Variants in PTPRE observed in about 807,000 individuals in gnomAD.
The protein encoded by PTPRE is receptor-type tyrosine-protein phosphatase epsilon.
In PTPRE, 51 loss-of-function variants were observed where a neutral mutation model predicts 102.0. That is an observed-to-expected ratio of 0.50 (90% CI 0.40 to 0.63). The LOEUF (loss-of-function observed/expected upper bound fraction) is 0.63. Among genes scored for constraint, PTPRE ranks in the 30% least tolerant of loss-of-function variants. The pLI is 0.00. For missense variants in PTPRE, 752 were observed against 915.1 expected (o/e 0.82, Z 2.30); for synonymous variants, 345 against 348.2 (o/e 0.99, Z 0.10).
intron 2 of PTPRE, among the ~76,000 whole-genome samples, chr10:128,038,607 T>C (rs551802949): frequency 1.6e-5 from 2 of 124,928 alleles, no homozygotes; most frequent in South Asian, 5.0e-4. Flanking sequence ...AATTGAACAA[T>C]GAGAACACTT....
At chr10:127,958,003 A>G (rs1849527577) in intron 1 of PTPRE, among the ~76,000 whole-genome samples, 1 of 152,218 alleles carries the variant, frequency 6.6e-6, no homozygotes, top group African/African-American at 2.4e-5. Context: ...CACTTCTGGC[A>G]TACAGAAAAG....
At chr10:128,010,253 A>T (rs1844869120) in intron 2 of PTPRE, among the ~76,000 whole-genome samples, 1 of 152,208 alleles carries the variant, frequency 6.6e-6, no homozygotes. Flanking sequence ...CCAAATGTAC[A>T]TGAGCGCCCA....
chr10:127,915,424 CT>C (rs1293798804), intron 1 of PTPRE, among the ~76,000 whole-genome samples: 1 of 152,222 alleles, frequency 6.6e-6, no homozygotes, highest in Non-Finnish European at 1.5e-5. Flanking sequence ...TTTTGAACTG[CT>C]GTTGACTAAG....
chr10:128,064,724 C>T (rs1421792051), intron 10 of PTPRE, among the ~76,000 whole-genome samples: 1 of 152,268 alleles, frequency 6.6e-6, no homozygotes, highest in Non-Finnish European at 1.5e-5. Flanking sequence ...ACTCCTGTGA[C>T]TCAGTGCTGG....
chr10:127,984,483 G>A lies in PTPRE; in HGVS notation c.-8+2187G>A, dbSNP rs191335689. Among the ~76,000 whole-genome samples, 5 of 152,278 alleles carry A rather than the reference G, an allele frequency of 3.3e-5. No homozygotes were observed. The East Asian group carries it at 9.7e-4, about 29-fold the overall frequency. Reference sequence around the variant, plus strand: ...CCAGAAATCTTTCTCTTGACACGAGGAAAGGGTATTTGAAGCCTGGGTCTC... The same window carrying A: ...CCAGAAATCTTTCTCTTGACACGAGAAAAGGGTATTTGAAGCCTGGGTCTC... On this transcript the variant is annotated intron_variant, in intron 2 of 20. Transcript: ENST00000254667.
intron 2 of PTPRE, among the ~76,000 whole-genome samples, chr10:128,019,455 G>C (rs968885935): frequency 6.6e-6 from 1 of 152,236 alleles, no homozygotes; most frequent in African/African-American, 2.4e-5. Flanking sequence ...AGAACTCTGG[G>C]AAAGGAGCAG....
chr10:127,967,252 A>G (rs1233320018), intron 1 of PTPRE, among the ~76,000 whole-genome samples: 1 of 152,216 alleles, frequency 6.6e-6, no homozygotes, highest in Non-Finnish European at 1.5e-5. Flanking sequence ...CTCTACTCCA[A>G]AATAGTAGCT....
chr10:128,018,251 C>T (rs532985651), intron 2 of PTPRE, among the ~76,000 whole-genome samples: 4 of 152,294 alleles, frequency 2.6e-5, no homozygotes, highest in African/African-American at 4.8e-5. Context: ...CTAAATCGCA[C>T]GGCACATTCC....
At chr10:127,974,219 G>A (rs1288782803) in intron 1 of PTPRE, among the ~76,000 whole-genome samples, 2 of 152,198 alleles carry the variant, frequency 1.3e-5, no homozygotes, top group African/African-American at 2.4e-5. Context: ...TTGGGTCCAG[G>A]CCTTATACTG....
chr10:128,011,065 A>G (rs1033509162), intron 2 of PTPRE, among the ~76,000 whole-genome samples: 15 of 152,206 alleles, frequency 9.9e-5, no homozygotes, highest in African/African-American at 3.6e-4. Flanking sequence ...TTTAATATTT[A>G]TGGAAGAATC....
intron 11 of PTPRE, among the ~76,000 whole-genome samples, chr10:128,066,492 C>A (rs955472684): frequency 6.6e-6 from 1 of 152,176 alleles, no homozygotes; most frequent in African/African-American, 2.4e-5. Flanking sequence ...GTGAGGTCCT[C>A]CCTCAGTAGC....
At chr10:127,992,487 A>C (rs1852776674) in intron 2 of PTPRE, among the ~76,000 whole-genome samples, 1 of 152,194 alleles carries the variant, frequency 6.6e-6, no homozygotes, top group Non-Finnish European at 1.5e-5. Flanking sequence ...ATTTGCTCTT[A>C]GCCCAGCATC....
intron 1 of PTPRE, among the ~76,000 whole-genome samples, chr10:127,971,535 G>C (rs1850735330): frequency 6.6e-6 from 1 of 152,206 alleles, no homozygotes; most frequent in Non-Finnish European, 1.5e-5. Flanking sequence ...TGGTGCCCTG[G>C]CCTTGCTGTC....
intron 6 of PTPRE, among the ~76,000 whole-genome samples, chr10:128,055,254 C>A (rs1054467662): frequency 6.6e-6 from 1 of 152,190 alleles, no homozygotes; most frequent in Admixed American, 6.5e-5. Flanking sequence ...GGGGAGCTCA[C>A]CTGAGCAGCG....
At position 128,011,028 on chromosome 10, in the gene PTPRE, T is replaced by C. The variant is rs11814975; in HGVS notation, c.-8+28732T>C. Among the ~76,000 whole-genome samples, 337 of 152,322 alleles carry C rather than the reference T, an allele frequency of 2.2e-3. 4 individuals carry two copies. The highest frequency in any genetic ancestry group is 7.8e-3 in the African/African-American group (325 of 41,568). ...CATGACACTTCATTTGTACATACTT[T>C]GAGTTATAGTCTCCAGAATAATTAA... On this transcript the variant is annotated intron_variant, in intron 2 of 20. Transcript: ENST00000254667.
At chr10:127,919,866 A>T (rs959788893) in intron 1 of PTPRE, among the ~76,000 whole-genome samples, 2 of 152,070 alleles carry the variant, frequency 1.3e-5, no homozygotes, top group African/African-American at 4.8e-5. Context: ...ATGAATGGGC[A>T]GTGCTGGGTA....
intron 1 of PTPRE, among the ~76,000 whole-genome samples, chr10:127,933,730 A>G (rs1380409945): frequency 6.6e-6 from 1 of 152,192 alleles, no homozygotes; most frequent in Non-Finnish European, 1.5e-5. Context: ...ATTTTCCTCC[A>G]TGCAGTTGTC....
chr10:127,947,849 T>C (rs895922129), intron 1 of PTPRE, among the ~76,000 whole-genome samples: 7 of 152,264 alleles, frequency 4.6e-5, no homozygotes, highest in Admixed American at 4.6e-4. Flanking sequence ...GTCTCTGGGG[T>C]ACAGGGAAGT....
rs73384093 is a variant in PTPRE at position 128,043,699 on chromosome 10, G to A, written c.109+2709G>A. Among the ~76,000 whole-genome samples, 339 of 152,328 alleles carry A rather than the reference G, an allele frequency of 2.2e-3. 3 individuals are homozygous for A. The highest frequency in any genetic ancestry group is 8.0e-3 in the African/African-American group (333 of 41,568). ...AAGATATATATGTGTGTGTGTGTGTGTTGCAGAATTGTAGGTAATAGCAGA... is the reference window on the plus strand; with the variant it reads ...AAGATATATATGTGTGTGTGTGTGTATTGCAGAATTGTAGGTAATAGCAGA... On this transcript the variant is annotated intron_variant, in intron 3 of 20. Transcript: ENST00000254667.
Sources: gnomAD v4.1 joint callset for allele counts (sites outside exome capture counted in the v4.1 genomes callset) on GRCh38, gnomAD v4.1.1 for gene constraint, MANE v1.5 for transcripts, NCBI Gene and HGNC (gene_info 2026-07-23, HGNC 2026-07-21) for gene names.